The following LIN7A variants were observed in gnomAD, a reference collection of about 807,000 sequenced individuals.
LIN7A encodes protein lin-7 homolog A.
In LIN7A, 25 loss-of-function variants were observed where a neutral mutation model predicts 29.8. The ratio of observed to expected loss-of-function variants is 0.84; its 90% CI spans 0.61 to 1.17. The LOEUF (loss-of-function observed/expected upper bound fraction) is 1.17, where lower values mean the gene tolerates loss of function less well. LIN7A is among the 50% of genes most tolerant of loss of function. The probability of loss-of-function intolerance (pLI) is 0.00; values close to 1 mark genes in which losing one functional copy is unlikely to be tolerated. For synonymous variants in LIN7A, 118 were observed against 107.5 expected (o/e 1.10, Z -0.60); for missense variants, 239 against 287.0 (o/e 0.83, Z 1.21).
chr12:80,918,065 T>G lies in LIN7A; in HGVS notation c.82+19576A>C, dbSNP rs77736279. On this transcript the variant is annotated intron_variant, in intron 1 of 5. Coordinates refer to ENST00000552864, the MANE Select transcript of LIN7A (RefSeq NM_004664.4). ...TTTTCTTTTCTTTTTCTTTTTTTTC[T>G]GAGACATCATCTCCCTGTGTCATCC... 5.1e-3 allele frequency among the ~76,000 whole-genome samples: 778 copies of G among 152,230 alleles called. 10 individuals carry two copies. Among genetic ancestry groups the G allele is most frequent in the African/African-American group, 0.018 (750 of 41,520 alleles).
intron 2 of LIN7A, among the ~76,000 whole-genome samples, chr12:80,856,937 G>C (rs1037158995): frequency 6.6e-6 from 1 of 152,164 alleles, no homozygotes; most frequent in Non-Finnish European, 1.5e-5. Flanking sequence ...CTGCCCATTG[G>C]CACACAATTT....
chr12:80,854,480 C>G (rs1873493780), intron 2 of LIN7A, among the ~76,000 whole-genome samples: 1 of 45,792 alleles, frequency 2.2e-5, no homozygotes. Flanking sequence ...ATGCATGTTG[C>G]TAAGCCAAAA....
chr12:80,821,491 T>C (rs1871803527), intron 4 of LIN7A, among the ~76,000 whole-genome samples: 4 of 152,156 alleles, frequency 2.6e-5, no homozygotes, highest in Non-Finnish European at 5.9e-5. Flanking sequence ...GAGGGTTTTG[T>C]CTTTATATGG....
At chr12:80,830,360 C>G (rs910534537) in intron 4 of LIN7A, among the ~76,000 whole-genome samples, 1 of 152,230 alleles carries the variant, frequency 6.6e-6, no homozygotes, top group East Asian at 1.9e-4. Flanking sequence ...GATAAGTTAG[C>G]AAATTATTCA....
chr12:80,842,091 C>A, intron 4 of LIN7A: 2 of 1,287,322 alleles, frequency 1.6e-6, no homozygotes, highest in Non-Finnish European at 2.0e-6. Flanking sequence ...GATTGCTGAG[C>A]TGACATGAGT....
At chr12:80,877,545 T>C (rs1439319659) in intron 2 of LIN7A, among the ~76,000 whole-genome samples, 1 of 151,832 alleles carries the variant, frequency 6.6e-6, no homozygotes, top group Admixed American at 6.6e-5. Context: ...AAGGAAATAA[T>C]GAAAAAAGCT....
intron 1 of LIN7A, among the ~76,000 whole-genome samples, chr12:80,903,975 G>A (rs930586567): frequency 6.6e-6 from 1 of 152,036 alleles, no homozygotes; most frequent in Admixed American, 6.6e-5. Context: ...TATAGAGTAA[G>A]TATAAATCCT....
intron 2 of LIN7A, among the ~76,000 whole-genome samples, chr12:80,869,249 A>G (rs1273002820): frequency 1.3e-5 from 2 of 152,078 alleles, no homozygotes; most frequent in Non-Finnish European, 2.9e-5. Context: ...AGGCAGCTCA[A>G]GTGAACGCTT....
chr12:80,859,374 G>A (rs1873755398), intron 2 of LIN7A, among the ~76,000 whole-genome samples: 2 of 152,306 alleles, frequency 1.3e-5, no homozygotes, highest in East Asian at 3.9e-4. Flanking sequence ...TGTTGTTTGA[G>A]TCATTTTGTG....
intron 4 of LIN7A, among the ~76,000 whole-genome samples, chr12:80,834,538 C>T (rs1872524826): frequency 6.6e-6 from 1 of 152,104 alleles, no homozygotes; most frequent in South Asian, 2.1e-4. Flanking sequence ...GTAGGAAAGG[C>T]CTATGATCAA....
intron 4 of LIN7A, 32 bp downstream of exon 4, chr12:80,845,698 G>A (rs1402928001): frequency 1.3e-6 from 2 of 1,559,342 alleles, no homozygotes; most frequent in South Asian, 2.3e-5. Context: ...ATGTGCTTAA[G>A]GAGAAAATCT....
chr12:80,832,447 C>T, intron 4 of LIN7A: 1 of 437,436 alleles, frequency 2.3e-6, no homozygotes. Flanking sequence ...CTTTGTCATC[C>T]ATGGTAATTG....
At chr12:80,807,797 A>G (rs749198396) in intron 5 of LIN7A, among the ~76,000 whole-genome samples, 1 of 152,178 alleles carries the variant, frequency 6.6e-6, no homozygotes, top group Non-Finnish European at 1.5e-5. Context: ...GTCTGTCTAT[A>G]GACTTCTGTC....
At chr12:80,872,146 T>A (rs888003407) in intron 2 of LIN7A, among the ~76,000 whole-genome samples, 2 of 152,220 alleles carry the variant, frequency 1.3e-5, no homozygotes, top group South Asian at 2.1e-4. Context: ...ATCATTTCCA[T>A]TTATTTTTAT....
rs1876082166 is a variant in LIN7A, at chr12:80,899,457, G to A, written c.83-10088C>T. On this transcript the variant is annotated intron_variant, in intron 1 of 5. Transcript: ENST00000552864. Reference sequence around the variant, plus strand: ...TTGAAGTTTTCTTTTTTGTTGTTGTGTTTCTGCCAGGTTTTGGTATCAGAA... The same window carrying A: ...TTGAAGTTTTCTTTTTTGTTGTTGTATTTCTGCCAGGTTTTGGTATCAGAA... Among the ~76,000 whole-genome samples, 3 of 152,058 alleles carry A rather than the reference G, an allele frequency of 2.0e-5. No homozygotes were observed. In the South Asian group the frequency reaches 6.2e-4, roughly 32 times the overall value.
chr12:80,832,720 G>T, intron 4 of LIN7A: 1 of 428,442 alleles, frequency 2.3e-6, no homozygotes, highest in Non-Finnish European at 4.6e-6. Flanking sequence ...TTTGGTAGAA[G>T]TCCATTCTAT....
Position 80,845,721 on chromosome 12 carries a change from T to TA in LIN7A, c.483+8dup. ...AAGGAGAAAATCTCTGGTTATTTTA[T>TA]AAACATACCACTCCGTTCACTGATA... is the stretch of plus-strand genomic sequence containing the variant. On this transcript the variant is annotated intron_variant, in intron 4 of 5. Transcript: ENST00000552864. 1 of 1,602,880 alleles carries TA rather than the reference T, an allele frequency of 6.2e-7. No homozygotes were observed. Among genetic ancestry groups the TA allele is most frequent in the Non-Finnish European group, 8.5e-7 (1 of 1,175,556 alleles).
At chr12:80,864,188 C>T (rs935961059) in intron 2 of LIN7A, among the ~76,000 whole-genome samples, 4 of 151,700 alleles carry the variant, frequency 2.6e-5, no homozygotes, top group South Asian at 4.2e-4. Context: ...ATCAGCTGAC[C>T]CAGACATAAG....
intron 2 of LIN7A, among the ~76,000 whole-genome samples, chr12:80,853,989 C>T (rs1873465246): frequency 6.6e-6 from 1 of 152,068 alleles, no homozygotes; most frequent in Admixed American, 6.6e-5. Flanking sequence ...CCACTGTGCC[C>T]CTGCTGAAGA....
Sources: allele counts gnomAD v4.1 joint callset (sites outside exome capture counted in the v4.1 genomes callset), GRCh38; gene constraint gnomAD v4.1.1; transcripts MANE v1.5; gene names NCBI Gene and HGNC (gene_info 2026-07-23, HGNC 2026-07-21).